Variants in BPHL observed in about 807,000 individuals in gnomAD.
BPHL encodes the protein biphenyl hydrolase like.
Under a neutral mutation model 31.2 loss-of-function variants are expected in BPHL, and 27 were observed. The observed-to-expected ratio is 0.87, with a 90% CI of 0.64 to 1.19. The LOEUF is 1.19. Among genes scored for constraint, BPHL ranks in the 50% most tolerant of loss-of-function variants. The pLI is 0.00. For missense variants in BPHL, 356 were observed against 375.7 expected (o/e 0.95, Z 0.43); for synonymous variants, 150 against 146.8 (o/e 1.02, Z -0.16).
At chr6:3,123,553 GAACACT>G in intron 1 of BPHL, 98 bp from the exon 2 acceptor site, 1 of 914,206 alleles carries the variant, frequency 1.1e-6, no homozygotes, top group East Asian at 2.5e-5. Context: ...ACAGCGCGTA[GAACACT>G]AACACTTATT....
intron 1 of BPHL, among the ~76,000 whole-genome samples, chr6:3,119,103 A>G (rs1338426749): frequency 1.3e-5 from 2 of 152,178 alleles, no homozygotes; most frequent in African/African-American, 2.4e-5. Context: ...GGCTTGGGCT[A>G]TAGAGTGCAG....
At chr6:3,122,714 C>T (rs1761609731) in intron 1 of BPHL, among the ~76,000 whole-genome samples, 1 of 152,138 alleles carries the variant, frequency 6.6e-6, no homozygotes, top group Non-Finnish European at 1.5e-5. Context: ...GAGATGGAGG[C>T]TTATGGACAG....
intron 1 of BPHL, among the ~76,000 whole-genome samples, chr6:3,120,549 G>A (rs1009148303): frequency 6.6e-6 from 1 of 152,168 alleles, no homozygotes; most frequent in African/African-American, 2.4e-5. Flanking sequence ...CTGTAGCTCA[G>A]TGTCAGTAGG....
Position 3,127,294 on chromosome 6 carries a change from C to A in BPHL, c.264C>A (p.Leu88=). 6.2e-7 allele frequency: 1 copy of A among 1,606,812 alleles called. No homozygotes were observed. The highest frequency in any genetic ancestry group is 8.5e-7 in the Non-Finnish European group (1 of 1,175,690). Residue 88 remains leucine, a synonymous_variant, in exon 3 of 7, where the codon CTC becomes CTA. Coordinates refer to ENST00000380379, the MANE Select transcript of BPHL (RefSeq NM_004332.4). ...GPQLKNLNKK[L]FTVVAWDPRG... is the part of the protein sequence containing the mutation. The stretch of plus-strand genomic sequence containing the variant: ...AGCTCAAGAACCTCAATAAGAAGCT[C>A]TTCACGGTGGTCGCCTGGGATCCTC...
intron 4 of BPHL, among the ~76,000 whole-genome samples, chr6:3,131,947 G>C (rs1035982853): frequency 2.6e-5 from 4 of 152,216 alleles, no homozygotes; most frequent in Admixed American, 6.5e-5. Flanking sequence ...ACGTGCCTGT[G>C]TCACGGCCCT....
intron 4 of BPHL, among the ~76,000 whole-genome samples, chr6:3,134,603 ATTTTTT>A (rs556567574): frequency 7.8e-6 from 1 of 127,626 alleles, no homozygotes; most frequent in African/African-American, 3.1e-5. Context: ...CACCTGGCTA[ATTTTTT>A]TTTTTTTTTT....
At chr6:3,123,517 C>T (rs1021676698) in intron 1 of BPHL, 140 bp from the exon 2 acceptor site, 10 of 595,118 alleles carry the variant, frequency 1.7e-5, no homozygotes, top group East Asian at 2.9e-5. Flanking sequence ...TTTAAACTAT[C>T]GCTTATTGTT....
chr6:3,150,882 T>C (rs1762504196), intron 6 of BPHL, among the ~76,000 whole-genome samples: 1 of 152,240 alleles, frequency 6.6e-6, no homozygotes, highest in African/African-American at 2.4e-5. Context: ...TGTCTGTCCA[T>C]CTGTCTATTC....
At chr6:3,119,012 G>A (rs1761479199) in intron 1 of BPHL, among the ~76,000 whole-genome samples, 165 bp downstream of exon 1, 1 of 151,980 alleles carries the variant, frequency 6.6e-6, no homozygotes. Flanking sequence ...GATCCTGGGG[G>A]CCAGCCGCGC....
Position 3,136,397 on chromosome 6 carries a change from C to G in BPHL, c.533-965C>G, listed in dbSNP as rs137904087. On this transcript the variant is annotated intron_variant, in intron 4 of 6. Coordinates refer to ENST00000380379, the MANE Select transcript of BPHL (RefSeq NM_004332.4). ...CTCTTCAGCCTTTATCTTCAGCTCA[C>G]ACGGGGCCTACCTCTGAATATTTAA... Among the ~76,000 whole-genome samples, 670 of 152,340 alleles carry G rather than the reference C, an allele frequency of 4.4e-3. 9 individuals carry two copies. The highest frequency in any genetic ancestry group is 0.015 in the African/African-American group (625 of 41,566).
At chr6:3,131,749 T>G (rs1398711184) in intron 4 of BPHL, among the ~76,000 whole-genome samples, 1 of 151,950 alleles carries the variant, frequency 6.6e-6, no homozygotes, top group East Asian at 1.9e-4. Flanking sequence ...GGAACAAGCT[T>G]CCCCCTCATG....
chr6:3,139,217 GAGTA>G (rs1163335175), intron 5 of BPHL: 1 of 152,218 alleles, frequency 6.6e-6, no homozygotes, highest in Non-Finnish European at 1.5e-5. Context: ...ATCAAAGACA[GAGTA>G]AGTGTCTAGT....
At chr6:3,137,697 G>A (rs979511453) in intron 5 of BPHL, among the ~76,000 whole-genome samples, 14 of 152,298 alleles carry the variant, frequency 9.2e-5, no homozygotes, top group African/African-American at 2.6e-4. Context: ...GTAGGACTGC[G>A]TGTCCAAAGG....
At position 3,152,633 on chromosome 6, in the gene BPHL, T is replaced by C. The variant is rs893869417; in HGVS notation, c.*58T>C. 4 of 1,474,990 alleles carry C rather than the reference T, an allele frequency of 2.7e-6. No homozygotes were observed. In the African/African-American group the frequency reaches 5.6e-5, roughly 21 times the overall value. The allele number at this position is 1,474,990 out of a possible 1,614,324, so 91.4% of individuals were successfully genotyped here. A position where few individuals can be genotyped will look rare whatever the true frequency, so the allele number is the denominator to read the frequency against. On this transcript the variant is annotated 3_prime_UTR_variant, in exon 7 of 7. Transcript: ENST00000380379. ...TGTGGGGCTTGATCGTGTTGCTGCC[T>C]GTTAACATGATGCCTTTGAAACTCT...
chr6:3,122,853 A>G (rs1323587923), intron 1 of BPHL, among the ~76,000 whole-genome samples: 1 of 152,206 alleles, frequency 6.6e-6, no homozygotes, highest in Non-Finnish European at 1.5e-5. Context: ...CCCTACAGCT[A>G]AAGAACAGCC....
chr6:3,129,937 G>A (rs1761827311), intron 4 of BPHL, among the ~76,000 whole-genome samples: 1 of 151,640 alleles, frequency 6.6e-6, no homozygotes, highest in Non-Finnish European at 1.5e-5. Context: ...CTCCCAAGTA[G>A]CTGGGATTAC....
At chr6:3,142,410 C>T (rs1762204636) in intron 6 of BPHL, among the ~76,000 whole-genome samples, 1 of 152,084 alleles carries the variant, frequency 6.6e-6, no homozygotes, top group Non-Finnish European at 1.5e-5. Context: ...AACCACCATG[C>T]CCGGCCTGCA....
chr6:3,119,550 C>A, intron 1 of BPHL: 1 of 1,612,546 alleles, frequency 6.2e-7, no homozygotes, highest in Non-Finnish European at 8.5e-7. Flanking sequence ...AATTTCTGAC[C>A]TTCTGTCTTG....
intron 3 of BPHL, among the ~76,000 whole-genome samples, chr6:3,127,691 T>TA (rs1761754421): frequency 6.6e-6 from 1 of 152,252 alleles, no homozygotes; most frequent in African/African-American, 2.4e-5. Context: ...AACGTTTTTC[T>TA]AACTTACTAT....
Sources: gnomAD v4.1 joint callset for allele counts (sites outside exome capture counted in the v4.1 genomes callset) on GRCh38, gnomAD v4.1.1 for gene constraint, MANE v1.5 for transcripts, NCBI Gene and HGNC (gene_info 2026-07-23, HGNC 2026-07-21) for gene names.